TAOK3: variants seen among roughly 807,000 people sequenced by gnomAD.
TAOK3 encodes serine/threonine-protein kinase TAO3.
In TAOK3, 40 loss-of-function variants were observed where a neutral mutation model predicts 120.4. The ratio of observed to expected loss-of-function variants is 0.33; its 90% CI spans 0.26 to 0.43. The LOEUF is 0.43. TAOK3 is among the 20% of genes least tolerant of loss of function. The pLI is 1.00. For synonymous variants in TAOK3, 355 were observed against 387.5 expected (o/e 0.92, Z 0.99); for missense variants, 821 against 1,112.1 (o/e 0.74, Z 3.72).
At chr12:118,316,982 G>C (rs1422639955) in intron 1 of TAOK3, among the ~76,000 whole-genome samples, 1 of 152,060 alleles carries the variant, frequency 6.6e-6, no homozygotes, top group Non-Finnish European at 1.5e-5. Context: ...ACATTGCTGG[G>C]GCTGGGCACG....
At chr12:118,265,218 G>A (rs2041391911) in intron 2 of TAOK3, among the ~76,000 whole-genome samples, 2 of 151,190 alleles carry the variant, frequency 1.3e-5, no homozygotes, top group African/African-American at 4.9e-5. Context: ...GTGAAACCCC[G>A]TCTCTACTAA....
At chr12:118,284,702 A>G (rs1566062684) in intron 1 of TAOK3, among the ~76,000 whole-genome samples, 2 of 152,154 alleles carry the variant, frequency 1.3e-5, no homozygotes, top group East Asian at 3.9e-4. Context: ...TCACTTGTGT[A>G]AGGTAGACAG....
intron 1 of TAOK3, among the ~76,000 whole-genome samples, chr12:118,310,731 T>A: frequency 6.6e-6 from 1 of 152,180 alleles, no homozygotes; most frequent in Admixed American, 6.5e-5. Flanking sequence ...CCACATCTGC[T>A]TGGTGATGTT....
chr12:118,278,942 G>A (rs2041997673), intron 1 of TAOK3, among the ~76,000 whole-genome samples: 1 of 152,040 alleles, frequency 6.6e-6, no homozygotes, highest in Non-Finnish European at 1.5e-5. Context: ...GAGTAGCTGG[G>A]ATTACAGGCA....
chr12:118,194,082 C>T (rs912839365), intron 13 of TAOK3, among the ~76,000 whole-genome samples: 2 of 152,088 alleles, frequency 1.3e-5, no homozygotes, highest in African/African-American at 4.8e-5. Flanking sequence ...TAAAAACCTG[C>T]CACTCTGTAC....
chr12:118,316,532 C>G (rs374725972), intron 1 of TAOK3, among the ~76,000 whole-genome samples: 2 of 152,036 alleles, frequency 1.3e-5, no homozygotes, highest in African/African-American at 4.8e-5. Flanking sequence ...TCCTGAGTAG[C>G]TGGGAACACA....
chr12:118,205,811 A>ATGT (rs1401942313), intron 11 of TAOK3, among the ~76,000 whole-genome samples: 1 of 151,734 alleles, frequency 6.6e-6, no homozygotes, highest in Admixed American at 6.6e-5. Flanking sequence ...GGGTTTCACT[A>ATGT]TGTTGGCCAG....
intron 1 of TAOK3, among the ~76,000 whole-genome samples, chr12:118,318,531 C>A (rs1699160): frequency 0.72 from 109,156 of 151,946 alleles, 39,311 homozygotes; most frequent in South Asian, 0.76. Context: ...CCACAAGGAG[C>A]TACCACCTCA....
intron 11 of TAOK3, among the ~76,000 whole-genome samples, chr12:118,204,244 G>A (rs1473072728): frequency 4.7e-5 from 7 of 149,238 alleles, no homozygotes; most frequent in Admixed American, 6.7e-5. Context: ...TCTAGCCTGG[G>A]TGACAGAATG....
chr12:118,346,116 T>G (rs1295574939), intron 1 of TAOK3, among the ~76,000 whole-genome samples: 1 of 152,228 alleles, frequency 6.6e-6, no homozygotes, highest in African/African-American at 2.4e-5. Flanking sequence ...ACTACTCACA[T>G]GTATTTTTTA....
intron 1 of TAOK3, among the ~76,000 whole-genome samples, chr12:118,271,975 G>A (rs2041716612): frequency 6.6e-6 from 1 of 152,164 alleles, no homozygotes; most frequent in Non-Finnish European, 1.5e-5. Context: ...CAGGTTTTAG[G>A]CCCTTGGGCC....
At chr12:118,235,939 G>T in intron 7 of TAOK3, 1 of 306,030 alleles carries the variant, frequency 3.3e-6, no homozygotes, top group Non-Finnish European at 6.1e-6. Flanking sequence ...TGAGAAAAAA[G>T]GCAGACATGG....
chr12:118,226,092 T>C (rs1248563152), intron 9 of TAOK3, among the ~76,000 whole-genome samples: 1 of 151,966 alleles, frequency 6.6e-6, no homozygotes, highest in Non-Finnish European at 1.5e-5. Context: ...ATACAAAAAT[T>C]AGGCCGGGTG....
intron 3 of TAOK3, chr12:118,246,189 C>CGGG (rs1458448078): frequency 2.1e-6 from 3 of 1,403,260 alleles, no homozygotes; most frequent in Non-Finnish European, 2.9e-6. Context: ...CATCCGGGGC[C>CGGG]GGGGTCGCGG....
intron 15 of TAOK3, 45 bp downstream of exon 15, chr12:118,181,326 G>A: frequency 6.6e-7 from 1 of 1,511,160 alleles, no homozygotes; most frequent in Non-Finnish European, 9.1e-7. Context: ...GACCCCAACA[G>A]GCTGGGCTTG....
At chr12:118,336,076 C>T (rs11068910) in intron 1 of TAOK3, among the ~76,000 whole-genome samples, 38,617 of 152,014 alleles carry the variant, frequency 0.25, 5,845 homozygotes, top group African/African-American at 0.42. Flanking sequence ...CACGGATTTT[C>T]GTAGACATAG....
chr12:118,188,924 G>GTGTT (rs762709752), intron 14 of TAOK3, among the ~76,000 whole-genome samples: 1 of 5,406 alleles, frequency 1.8e-4, no homozygotes, highest in Admixed American at 2.1e-3. Flanking sequence ...AACGATGTGA[G>GTGTT]TGTGTGTGTG....
intron 1 of TAOK3, among the ~76,000 whole-genome samples, chr12:118,322,911 C>A (rs151230215): frequency 7.8e-4 from 119 of 151,754 alleles, no homozygotes; most frequent in African/African-American, 2.8e-3. Context: ...GGGGTTTCAC[C>A]ATGTTGGCCA....
At position 118,151,079 on chromosome 12, in the gene TAOK3, A is replaced by G. The variant is rs373147365; in HGVS notation, c.2615T>C (p.Ile872Thr). ...KNLLERQERE[I>T]ETFDMESLRM... ...GAGGCTCTCCATGTCAAAAGTTTCA[A>G]TCTCTCGCTCTTGCCTTTCCAATAG... Residue 872 changes from isoleucine to threonine, a missense_variant, in exon 21 of 21, where the codon ATT becomes ACT. Physicochemically the swap from Ile to Thr is moderately conservative, Grantham distance 89. Transcript: ENST00000392533. 1.2e-5 allele frequency: 20 copies of G among 1,613,300 alleles called. No homozygotes were observed. Among genetic ancestry groups the G allele is most frequent in the South Asian group, 1.1e-4 (10 of 91,070 alleles).
Sources: gnomAD v4.1 joint callset for allele counts (sites outside exome capture counted in the v4.1 genomes callset) on GRCh38, gnomAD v4.1.1 for gene constraint, MANE v1.5 for transcripts, NCBI Gene and HGNC (gene_info 2026-07-23, HGNC 2026-07-21) for gene names.